The following DPP6 variants were observed in gnomAD, a reference collection of about 807,000 sequenced individuals.
The protein encoded by DPP6 is dipeptidyl peptidase like 6.
DPP6 carries 69 observed loss-of-function variants against 122.6 expected under a neutral mutation model. The ratio of observed to expected loss-of-function variants is 0.56; its 90% confidence interval spans 0.46 to 0.69. The LOEUF (loss-of-function observed/expected upper bound fraction) is 0.69. Among genes scored for constraint, DPP6 ranks in the 30% least tolerant of loss-of-function variants. The probability of loss-of-function intolerance (pLI) is 0.00; values close to 1 mark genes in which losing one functional copy is unlikely to be tolerated. For synonymous variants in DPP6, 418 were observed against 433.1 expected (o/e 0.97, Z 0.43); for missense variants, 928 against 1,116.9 (o/e 0.83, Z 2.41).
intron 1 of DPP6, among the ~76,000 whole-genome samples, chr7:154,018,157 G>T (rs1343150980): frequency 6.6e-6 from 1 of 151,768 alleles, no homozygotes; most frequent in African/African-American, 2.4e-5. Context: ...CCACCACGAG[G>T]CCCCCTATCC....
chr7:153,890,683 C>CT (rs34345128), intron 1 of DPP6, among the ~76,000 whole-genome samples: 2,022 of 82,010 alleles, frequency 0.025, 189 homozygotes, highest in African/African-American at 0.037. Flanking sequence ...CAGTTTAGAA[C>CT]TTTTTTTTTT....
intron 1 of DPP6, among the ~76,000 whole-genome samples, chr7:154,227,023 C>T (rs773526856): frequency 7.3e-5 from 11 of 151,304 alleles, no homozygotes; most frequent in East Asian, 1.9e-4. Flanking sequence ...TACAGAGTTC[C>T]GTCAAAAAAT....
intron 1 of DPP6, among the ~76,000 whole-genome samples, chr7:154,125,801 G>A (rs1237573502): frequency 6.6e-6 from 1 of 152,136 alleles, no homozygotes; most frequent in African/African-American, 2.4e-5. Flanking sequence ...GAGTTAATGG[G>A]CCACAAACAG....
At position 154,291,126 on chromosome 7, in the gene DPP6, C is replaced by T. The variant is rs188947738; in HGVS notation, c.244-155088C>T. ...ACAATCCCATAAGAATTCCTTCTGA[C>T]CCCTGAGATGAGAGGGTCACTGAGG... On this transcript the variant is annotated intron_variant, in intron 1 of 25. Transcript: ENST00000377770. 5.3e-5 allele frequency among the ~76,000 whole-genome samples: 8 copies of T among 152,284 alleles called. No individual in the cohort carries two copies. The East Asian group carries it at 1.4e-3, about 26-fold the overall frequency.
At chr7:153,895,615 A>G (rs1026099362) in intron 1 of DPP6, among the ~76,000 whole-genome samples, 7 of 88,376 alleles carry the variant, frequency 7.9e-5, no homozygotes, top group African/African-American at 2.3e-4. Context: ...GATGGCATCA[A>G]TGTATAGTCC....
At chr7:154,696,595 G>A (rs1840230912) in intron 7 of DPP6, among the ~76,000 whole-genome samples, 1 of 152,208 alleles carries the variant, frequency 6.6e-6, no homozygotes, top group African/African-American at 2.4e-5. Flanking sequence ...GCCCAGAGCT[G>A]GAGCCTGCCA....
At chr7:154,820,498 C>T (rs951052) in intron 16 of DPP6, among the ~76,000 whole-genome samples, 3,040 of 152,290 alleles carry the variant, frequency 0.02, 98 homozygotes, top group African/African-American at 0.069. Flanking sequence ...GCCTGGATCA[C>T]GCTGACGTAA....
intron 1 of DPP6, among the ~76,000 whole-genome samples, chr7:154,289,248 A>G (rs1488617915): frequency 2.6e-5 from 4 of 152,216 alleles, no homozygotes; most frequent in African/African-American, 4.8e-5. Flanking sequence ...CCGAGACTTG[A>G]TAAGTCATCC....
intron 1 of DPP6, among the ~76,000 whole-genome samples, chr7:154,333,384 T>C (rs754756150): frequency 1.3e-5 from 2 of 152,214 alleles, no homozygotes; most frequent in Non-Finnish European, 2.9e-5. Flanking sequence ...TCTAGACTGG[T>C]CTTGCCAATA....
intron 1 of DPP6, among the ~76,000 whole-genome samples, chr7:154,008,658 C>CTTTTTT (rs57634994): frequency 1.2e-3 from 118 of 101,428 alleles, no homozygotes; most frequent in African/African-American, 1.6e-3. Context: ...TATTTCTTTT[C>CTTTTTT]TTTTTTTTTT....
At chr7:154,092,756 C>T (rs1462576958) in intron 1 of DPP6, 2 of 152,068 alleles carry the variant, frequency 1.3e-5, no homozygotes, top group Non-Finnish European at 2.9e-5. Flanking sequence ...AATTGTGGGG[C>T]GATTTTTTCG....
At position 154,211,343 on chromosome 7, in the gene DPP6, A is replaced by G. The variant is rs868677032; in HGVS notation, c.243+158280A>G. ...CCCACCTGGGCATAGGTTCATGAGG[A>G]GGAAAACCTGCCAGGAGGATTCCAC... On this transcript the variant is annotated intron_variant, in intron 1 of 25. Transcript: ENST00000377770. 1.1e-4 allele frequency among the ~76,000 whole-genome samples: 16 copies of G among 152,164 alleles called. 1 individual carries two copies. The highest frequency in any genetic ancestry group is 2.6e-4 in the Admixed American group (4 of 15,264).
chr7:154,054,058 G>T (rs1239401365), intron 1 of DPP6, among the ~76,000 whole-genome samples: 2 of 148,876 alleles, frequency 1.3e-5, no homozygotes, highest in African/African-American at 5.0e-5. Context: ...GTCTGGCTTG[G>T]CTGGTACAGC....
chr7:154,886,556 G>A (rs1020621637), intron 22 of DPP6, among the ~76,000 whole-genome samples: 1 of 152,208 alleles, frequency 6.6e-6, no homozygotes, highest in Non-Finnish European at 1.5e-5. Context: ...GGTCTTTTCT[G>A]TGGCTCCGAG....
chr7:154,626,993 ATTTTTTCTTTTTTTTTTTTT>A (rs1835111612), intron 5 of DPP6, among the ~76,000 whole-genome samples: 1 of 114,112 alleles, frequency 8.8e-6, no homozygotes. Context: ...TCCATTAGAA[ATTTTTTCTTTTTTTTTTTTT>A]TTTTTTTTTT....
At chr7:154,067,829 C>G (rs561412729) in intron 1 of DPP6, among the ~76,000 whole-genome samples, 1 of 151,758 alleles carries the variant, frequency 6.6e-6, no homozygotes, top group Non-Finnish European at 1.5e-5. Flanking sequence ...ACTGCAACCT[C>G]GAACTCCTGG....
chr7:154,227,660 G>C (rs547691638), intron 1 of DPP6, among the ~76,000 whole-genome samples: 3 of 151,058 alleles, frequency 2.0e-5, no homozygotes, highest in Non-Finnish European at 2.9e-5. Flanking sequence ...CCCTCACTCT[G>C]CTCCTCTCCC....
chr7:154,455,788 A>T (rs929043547), intron 2 of DPP6, among the ~76,000 whole-genome samples: 1 of 152,216 alleles, frequency 6.6e-6, no homozygotes, highest in Non-Finnish European at 1.5e-5. Flanking sequence ...ATGGGTCTAC[A>T]TATTTATCTA....
rs116097012 is a variant in DPP6 at position 154,383,539 on chromosome 7, C to G, written c.244-62675C>G. 9.1e-3 allele frequency among the ~76,000 whole-genome samples: 1,387 copies of G among 152,286 alleles called. 17 individuals carry two copies. The highest frequency in any genetic ancestry group is 0.03 in the African/African-American group (1,262 of 41,552). ...AAGTAACATGCATTGTCAATAATTA[C>G]ATGAAAAAATATGGTGGAAGATTTT... On this transcript the variant is annotated intron_variant, in intron 1 of 25. Transcript: ENST00000377770.
Sources: allele counts gnomAD v4.1 joint callset (sites outside exome capture counted in the v4.1 genomes callset), GRCh38; gene constraint gnomAD v4.1.1; transcripts MANE v1.5; gene names NCBI Gene and HGNC (gene_info 2026-07-23, HGNC 2026-07-21).